Variants in VTI1A observed in about 807,000 individuals in gnomAD.
VTI1A encodes vesicle transport through interaction with t-SNAREs homolog 1A.
A neutral mutation model predicts 34.9 loss-of-function variants in VTI1A; 22 were observed. The observed-to-expected ratio is 0.63, with a 90% CI of 0.45 to 0.90. The LOEUF is 0.90. VTI1A is among the 40% of genes least tolerant of loss of function. VTI1A has a pLI of 0.00. For missense variants in VTI1A, 268 were observed against 275.6 expected (o/e 0.97, Z 0.20); for synonymous variants, 87 against 97.3 (o/e 0.89, Z 0.62).
intron 5 of VTI1A, among the ~76,000 whole-genome samples, chr10:112,636,320 G>A (rs940160205): frequency 2.0e-5 from 3 of 152,110 alleles, no homozygotes; most frequent in East Asian, 3.8e-4. Context: ...GTATACAATT[G>A]CAATTAATAT....
chr10:112,845,643 C>T, the VTI1A span, among the ~76,000 whole-genome samples: 873 of 152,236 alleles, frequency 5.7e-3, 8 homozygotes, highest in African/African-American at 0.02. Context: ...GAAAAGCCTC[C>T]GCGGGAGGAG....
chr10:112,805,803 A>T (rs1302400802), intron 7 of VTI1A, among the ~76,000 whole-genome samples: 1 of 151,844 alleles, frequency 6.6e-6, no homozygotes, highest in Non-Finnish European at 1.5e-5. Context: ...CATGGATCAG[A>T]CTCTCTCACT....
intron 7 of VTI1A, among the ~76,000 whole-genome samples, chr10:112,782,816 A>T (rs1379535093): frequency 1.3e-5 from 2 of 151,902 alleles, no homozygotes; most frequent in African/African-American, 4.8e-5. Flanking sequence ...ACTGGGGGGG[A>T]TTCCAGCTTG....
the VTI1A span, among the ~76,000 whole-genome samples, chr10:112,843,908 C>T: frequency 6.6e-6 from 1 of 152,286 alleles, no homozygotes; most frequent in South Asian, 2.1e-4. Flanking sequence ...ATTACTTCCC[C>T]TCTCTGTACC....
intron 7 of VTI1A, among the ~76,000 whole-genome samples, chr10:112,792,976 G>T (rs989838655): frequency 6.6e-6 from 1 of 152,166 alleles, no homozygotes; most frequent in Non-Finnish European, 1.5e-5. Context: ...TGACTCAAAA[G>T]CCTGTGATGC....
intron 7 of VTI1A, among the ~76,000 whole-genome samples, chr10:112,714,562 C>T (rs1266732672): frequency 6.6e-6 from 1 of 152,194 alleles, no homozygotes; most frequent in African/African-American, 2.4e-5. Flanking sequence ...GTAGTTTTCC[C>T]TTAACTCGGT....
At chr10:112,795,020 A>G (rs10787468) in intron 7 of VTI1A, among the ~76,000 whole-genome samples, 117,316 of 152,072 alleles carry the variant, frequency 0.77, 46,593 homozygotes, top group Non-Finnish European at 0.87. Context: ...TCAGCATCAC[A>G]AGAACCCATG....
intron 7 of VTI1A, among the ~76,000 whole-genome samples, chr10:112,720,418 A>G (rs1849761040): frequency 6.6e-6 from 1 of 152,214 alleles, no homozygotes; most frequent in Non-Finnish European, 1.5e-5. Flanking sequence ...GCAGTGAGGA[A>G]CTATCTCATG....
intron 3 of VTI1A, among the ~76,000 whole-genome samples, chr10:112,498,251 A>G (rs1444818442): frequency 6.6e-6 from 1 of 152,178 alleles, no homozygotes; most frequent in African/African-American, 2.4e-5. Flanking sequence ...TTCCTCATCC[A>G]TAAGGGGATA....
At chr10:112,773,243 C>A (rs1423879734) in intron 7 of VTI1A, among the ~76,000 whole-genome samples, 1 of 152,114 alleles carries the variant, frequency 6.6e-6, no homozygotes, top group Non-Finnish European at 1.5e-5. Flanking sequence ...GATAATAATA[C>A]CAAGTTCCTG....
intron 2 of VTI1A, among the ~76,000 whole-genome samples, chr10:112,463,427 A>G (rs1048837844): frequency 1.3e-5 from 2 of 152,194 alleles, no homozygotes; most frequent in African/African-American, 2.4e-5. Flanking sequence ...AAAAGACACT[A>G]TTTTGTAAGT....
intron 7 of VTI1A, among the ~76,000 whole-genome samples, chr10:112,797,014 T>C (rs1852697889): frequency 6.6e-6 from 1 of 152,204 alleles, no homozygotes; most frequent in African/African-American, 2.4e-5. Context: ...GTCTGAAATG[T>C]CTTCAGACTG....
At chr10:112,728,151 T>G (rs1277219131) in intron 7 of VTI1A, among the ~76,000 whole-genome samples, 1 of 152,050 alleles carries the variant, frequency 6.6e-6, no homozygotes, top group Non-Finnish European at 1.5e-5. Flanking sequence ...AACCAGTCCC[T>G]GCGTAAAGAG....
At chr10:112,515,696 A>G (rs1849751909) in intron 3 of VTI1A, among the ~76,000 whole-genome samples, 1 of 152,062 alleles carries the variant, frequency 6.6e-6, no homozygotes, top group African/African-American at 2.4e-5. Flanking sequence ...TAGCCACTGA[A>G]TTTTGACTTG....
chr10:112,472,906 A>G (rs1848142899), intron 3 of VTI1A, among the ~76,000 whole-genome samples: 1 of 151,576 alleles, frequency 6.6e-6, no homozygotes, highest in Non-Finnish European at 1.5e-5. Context: ...AAAAAATTAC[A>G]TTTGTTGTTT....
At chr10:112,686,194 T>C (rs1848405030) in intron 7 of VTI1A, among the ~76,000 whole-genome samples, 1 of 152,210 alleles carries the variant, frequency 6.6e-6, no homozygotes, top group African/African-American at 2.4e-5. Context: ...CCATGCACTT[T>C]CTATCTAGTA....
At chr10:112,592,242 G>T (rs913234817) in intron 5 of VTI1A, among the ~76,000 whole-genome samples, 1 of 152,214 alleles carries the variant, frequency 6.6e-6, no homozygotes, top group Admixed American at 6.5e-5. Flanking sequence ...AGCAGAGGAA[G>T]CAGCAGTGCC....
At chr10:112,662,127 T>C (rs545018512) in intron 5 of VTI1A, among the ~76,000 whole-genome samples, 94 of 152,362 alleles carry the variant, frequency 6.2e-4, no homozygotes, top group Admixed American at 1.3e-3. Flanking sequence ...TGACTAGGTG[T>C]GGTTTTTATT....
At chr10:112,836,298 T>A in the VTI1A span, among the ~76,000 whole-genome samples, 1 of 152,208 alleles carries the variant, frequency 6.6e-6, no homozygotes, top group Non-Finnish European at 1.5e-5. Flanking sequence ...CCAGCTAGAA[T>A]CATGAGCTCT....
Sources: gnomAD v4.1 joint callset for allele counts (sites outside exome capture counted in the v4.1 genomes callset) on GRCh38, gnomAD v4.1.1 for gene constraint, MANE v1.5 for transcripts, NCBI Gene and HGNC (gene_info 2026-07-23, HGNC 2026-07-21) for gene names.